FAM76A: variants seen among roughly 807,000 people sequenced by gnomAD.
The protein encoded by FAM76A is family with sequence similarity 76 member A, also known as protein FAM76A.
A neutral mutation model predicts 46.2 loss-of-function variants in FAM76A; 32 were observed. That is an observed-to-expected ratio of 0.69 (90% CI 0.52 to 0.93). FAM76A has a LOEUF of 0.93. Ranked by LOEUF, FAM76A falls within the 40% of genes least tolerant of loss-of-function variation. The pLI is 0.00. For synonymous variants in FAM76A, 137 were observed against 127.0 expected (o/e 1.08, Z -0.53); for missense variants, 274 against 361.5 (o/e 0.76, Z 1.96).
Position 27,744,661 on chromosome 1 carries a change from G to T in FAM76A, c.362G>T (p.Gly121Val). ...DRKDDRKKVDGKLLCWLCTLS... is the reference protein window; with the variant it reads ...DRKDDRKKVDVKLLCWLCTLS... ...TGTCTCCTTGTCTTTCAGGTAGATG[G>T]GAAATTGCTGTGCTGGCTGTGCACA... Residue 121 changes from glycine (G) to valine (V), a missense_variant, in exon 5 of 9, where the codon GGG (glycine) becomes GTG (valine). By Grantham distance (109) the Gly-to-Val change is moderately radical. Coordinates refer to ENST00000373954, the MANE Select transcript of FAM76A (RefSeq NM_152660.3). 1 of 1,613,870 alleles carries T rather than the reference G, an allele frequency of 6.2e-7. No individual in the cohort carries two copies. Among genetic ancestry groups the T allele is most frequent in the Non-Finnish European group, 8.5e-7 (1 of 1,179,866 alleles).
chr1:27,750,984 G>A (rs2088322587), intron 6 of FAM76A, among the ~76,000 whole-genome samples: 1 of 152,160 alleles, frequency 6.6e-6, no homozygotes. Flanking sequence ...GCAATATGAT[G>A]AAACACCATC....
At chr1:27,755,696 A>T (rs1432575282) in intron 7 of FAM76A, among the ~76,000 whole-genome samples, 1 of 152,108 alleles carries the variant, frequency 6.6e-6, no homozygotes. Context: ...ATCTCAGCCC[A>T]CTTAGTAGCT....
At position 27,760,529 on chromosome 1, in the gene FAM76A, C is replaced by T. The variant is rs1470100708; in HGVS notation, c.872C>T (p.Ala291Val). ...CGAGAGCTCCTGAAGCAGGCAGCTG[C>T]TTTGTCCAAGAGCAAGAAGTCAGAG... ...KNRELLKQAAALSKSKKSEKS... is the reference protein window; with the variant it reads ...KNRELLKQAAVLSKSKKSEKS... Residue 291 changes from alanine to valine, a missense_variant, in exon 9 of 9, where the codon GCT (alanine) becomes GTT (valine). By Grantham distance (64) the Ala-to-Val change is moderately conservative (BLOSUM62 0). Coordinates refer to ENST00000373954, the MANE Select transcript of FAM76A (RefSeq NM_152660.3). The T allele has an allele frequency of 6.2e-7, 1 of 1,612,212 alleles. No individual in the cohort carries two copies. The highest frequency in any genetic ancestry group is 8.5e-7 in the Non-Finnish European group (1 of 1,178,988).
intron 4 of FAM76A, among the ~76,000 whole-genome samples, chr1:27,737,119 T>C (rs540423707): frequency 3.3e-5 from 5 of 152,192 alleles, no homozygotes; most frequent in Admixed American, 6.5e-5. Context: ...CCAGCTAATT[T>C]TGTATTTTTA....
At chr1:27,748,445 A>G (rs1010786226) in intron 5 of FAM76A, among the ~76,000 whole-genome samples, 1 of 148,234 alleles carries the variant, frequency 6.7e-6, no homozygotes, top group African/African-American at 2.5e-5. Context: ...TTAAACTAGA[A>G]GACAGATTAT....
chr1:27,759,450 C>G (rs2148589141), intron 7 of FAM76A, 76 bp from the exon 8 acceptor site: 1 of 912,412 alleles, frequency 1.1e-6, no homozygotes, highest in East Asian at 2.5e-5. Context: ...ATTTGGGTGA[C>G]CATTTAGCTC....
chr1:27,759,779 G>GTTTTTTGTTTTT lies in FAM76A; in HGVS notation c.837+158_837+159insGTTTTTTTTTTT. ...TCCCCCTTTTAGGTTTTTTTTTTTT[G>GTTTTTTGTTTTT]TTTTTTTTTTGAGACAGGTTCTCTG... On this transcript the variant is annotated intron_variant, in intron 8 of 8. Transcript: ENST00000373954. The GTTTTTTGTTTTT allele has an allele frequency of 9.2e-5, 33 of 359,584 alleles. No homozygotes were observed. In the South Asian group the frequency reaches 1.0e-3, roughly 11 times the overall value. 22.3% of individuals were successfully genotyped at this position (359,584 alleles called of 1,614,324 possible). A position where few individuals can be genotyped will look rare whatever the true frequency, so the allele number is the denominator to read the frequency against.
At chr1:27,730,265 C>T (rs1008408863) in intron 2 of FAM76A, 5 of 183,472 alleles carry the variant, frequency 2.7e-5, no homozygotes, top group Admixed American at 1.2e-4. Flanking sequence ...CGGCTCACTG[C>T]AACCTCCACC....
chr1:27,753,408 C>T (rs1014030804), intron 6 of FAM76A, among the ~76,000 whole-genome samples: 2 of 152,176 alleles, frequency 1.3e-5, no homozygotes, highest in African/African-American at 4.8e-5. Context: ...AGGTCCTTAG[C>T]AGGTATTGAA....
At chr1:27,737,872 A>C (rs1300550246) in intron 4 of FAM76A, among the ~76,000 whole-genome samples, 65 of 126,286 alleles carry the variant, frequency 5.1e-4, no homozygotes, top group African/African-American at 2.6e-3. Flanking sequence ...CAACAACAAA[A>C]AAAAAAAAAA....
chr1:27,740,464 C>T (rs2088132253), intron 4 of FAM76A: 3 of 1,468,560 alleles, frequency 2.0e-6, no homozygotes, highest in South Asian at 2.3e-5. Flanking sequence ...GATAAGAGGT[C>T]GATGGTGGAG....
chr1:27,759,576 CA>C lies in FAM76A; in HGVS notation c.790del (p.Met264Ter). 3.1e-6 allele frequency: 5 copies of C among 1,613,652 alleles called. No individual in the cohort carries two copies. Among genetic ancestry groups the C allele is most frequent in the Non-Finnish European group, 4.2e-6 (5 of 1,179,912 alleles). On this transcript the variant is annotated frameshift_variant, in exon 8 of 9. Transcript: ENST00000373954. LOFTEE classifies it high-confidence loss of function. ...AGTACCAGGAATCGCAGATGAGAGC[CA>C]AAATGAACCAGATGGAGAAAACCCA... ...FQYQESQMRA[K>X]MNQMEKTHKE...
chr1:27,728,137 C>T (rs1417290776), intron 2 of FAM76A, among the ~76,000 whole-genome samples: 2 of 151,444 alleles, frequency 1.3e-5, no homozygotes, highest in Non-Finnish European at 2.9e-5. Context: ...TTTTAAGACC[C>T]TTGATCATTT....
rs182887484 is a variant in FAM76A at position 27,747,253 on chromosome 1, A to C, written c.513-1815A>C. Reference sequence around the variant, plus strand: ...ACCACTTATGATAGGTAGTTGTTAAAATCATGCTCTTAAATGATGTAATTC... The same window carrying C: ...ACCACTTATGATAGGTAGTTGTTAACATCATGCTCTTAAATGATGTAATTC... On this transcript the variant is annotated intron_variant, in intron 5 of 8. Coordinates refer to ENST00000373954, the MANE Select transcript of FAM76A (RefSeq NM_152660.3). Among the ~76,000 whole-genome samples, 1,430 of 152,298 alleles carry C rather than the reference A, an allele frequency of 9.4e-3. 32 individuals carry two copies. The highest frequency in any genetic ancestry group is 0.033 in the African/African-American group (1,363 of 41,556).
At chr1:27,755,063 TG>T in intron 6 of FAM76A, 131 bp from the exon 7 acceptor site, 1 of 938,486 alleles carries the variant, frequency 1.1e-6, no homozygotes, top group Non-Finnish European at 1.6e-6. Flanking sequence ...CCAGCATGTG[TG>T]GTGCAATGTG....
chr1:27,753,392 AAAG>A (rs1370751016), intron 6 of FAM76A, among the ~76,000 whole-genome samples: 2 of 152,192 alleles, frequency 1.3e-5, no homozygotes, highest in African/African-American at 4.8e-5. Context: ...TCAGTTGAAG[AAAG>A]ACAGGTCCTT....
At chr1:27,739,210 C>T (rs2088108507) in intron 4 of FAM76A, 3 of 455,676 alleles carry the variant, frequency 6.6e-6, no homozygotes, top group Non-Finnish European at 1.3e-5. Flanking sequence ...GCTGGTGCCC[C>T]TATTGTATGC....
chr1:27,739,106 G>T (rs1345339016), intron 4 of FAM76A: 1 of 339,668 alleles, frequency 2.9e-6, no homozygotes, highest in Non-Finnish European at 5.7e-6. Flanking sequence ...GGAGGTGTGT[G>T]TGAAGCTTTG....
chr1:27,745,930 G>T (rs1164557346), intron 5 of FAM76A, among the ~76,000 whole-genome samples: 1 of 152,190 alleles, frequency 6.6e-6, no homozygotes, highest in Admixed American at 6.5e-5. Flanking sequence ...CTGCATCCTG[G>T]TAAGGAATGG....
Sources: allele counts gnomAD v4.1 joint callset (sites outside exome capture counted in the v4.1 genomes callset), GRCh38; gene constraint gnomAD v4.1.1; transcripts MANE v1.5; gene names NCBI Gene and HGNC (gene_info 2026-07-23, HGNC 2026-07-21).